VARS1: variants seen among roughly 807,000 people sequenced by gnomAD.
VARS1 encodes valine--tRNA ligase.
A neutral mutation model predicts 161.0 loss-of-function variants in VARS1; 92 were observed. That is an observed-to-expected ratio of 0.57 (90% confidence interval 0.48 to 0.68). VARS1 has a LOEUF of 0.68. Ranked by LOEUF, VARS1 falls within the 30% of genes least tolerant of loss-of-function variation. The pLI is 0.00. For missense variants in VARS1, 1,338 were observed against 1,695.9 expected, an observed-to-expected ratio of 0.79 and a Z score of 3.71; for synonymous variants, 595 against 682.5, an observed-to-expected ratio of 0.87 and a Z score of 2.00.
Position 31,784,563 on chromosome 6 carries a change from G to A in VARS1, c.1467+32C>T, listed in dbSNP as rs1217778684. The A allele has an allele frequency of 1.1e-5, 18 of 1,613,548 alleles. No individual in the cohort carries two copies. In the South Asian group the frequency reaches 2.0e-4, roughly 18 times the overall value. ...CCAGGGCCAGGGCCAGGGTAGATTG[G>A]AGATGGAGACAGGCCAGGTTGGGGG... On this transcript the variant is annotated intron_variant, in intron 11 of 29. Coordinates refer to ENST00000375663, the MANE Select transcript of VARS1 (RefSeq NM_006295.3). The surrounding 1 kb of genome is among the most constrained non-coding windows in gnomAD (Gnocchi z 6.1).
At position 31,781,335 on chromosome 6, in the gene VARS1, A is replaced by G; in HGVS notation, c.2544+146T>C. Reference sequence around the variant, plus strand: ...GCACAGGAATCACTGAGCAGGGCCCAGGCTGGATTTCAACCCCACACCAGC... The same window carrying G: ...GCACAGGAATCACTGAGCAGGGCCCGGGCTGGATTTCAACCCCACACCAGC... On this transcript the variant is annotated intron_variant, in intron 21 of 29. Coordinates refer to ENST00000375663, the MANE Select transcript of VARS1 (RefSeq NM_006295.3). This position sits in a 1 kb window ranked among gnomAD's most constrained non-coding sequence, Gnocchi z 6.8. 1 of 1,334,972 alleles carries G rather than the reference A, an allele frequency of 7.5e-7. No homozygotes were observed. The highest frequency in any genetic ancestry group is 1.0e-6 in the Non-Finnish European group (1 of 985,804). 82.7% of individuals were successfully genotyped at this position (1,334,972 alleles called of 1,614,324 possible).
Position 31,791,816 on chromosome 6 carries a change from G to T in VARS1, c.972+55C>A. The T allele has an allele frequency of 1.2e-6, 2 of 1,612,846 alleles. No individual in the cohort carries two copies. Among genetic ancestry groups the T allele is most frequent in the South Asian group, 1.1e-5 (1 of 91,070 alleles). ...CCCCTCCCAGGCAACACATCCTTCAGTCCTGCCCTTCCCCACCCCACCCAC... is the reference window on the plus strand; with the variant it reads ...CCCCTCCCAGGCAACACATCCTTCATTCCTGCCCTTCCCCACCCCACCCAC... On this transcript the variant is annotated intron_variant, in intron 7 of 29. Coordinates refer to ENST00000375663, the MANE Select transcript of VARS1 (RefSeq NM_006295.3). The surrounding 1 kb of genome is among the most constrained non-coding windows in gnomAD (Gnocchi z 5.0).
chr6:31,793,053 A>G lies in VARS1; in HGVS notation c.455T>C (p.Leu152Ser). 3 of 1,613,030 alleles carry G rather than the reference A, an allele frequency of 1.9e-6. No individual in the cohort carries two copies. The highest frequency in any genetic ancestry group is 8.5e-7 in the Non-Finnish European group (1 of 1,180,008). The change falls in exon 3 of 30, where the codon TTG (leucine) becomes TCG (serine). Residue 152 changes from leucine (L) to serine (S), a missense_variant. Physicochemically the swap from Leu to Ser is moderately radical, Grantham distance 145 (BLOSUM62 -2). Around this residue, in one of 3 missense-constraint regions of VARS1, gnomAD observed 902 missense variants for 1,090.3 expected, o/e 0.83. Coordinates refer to ENST00000375663, the MANE Select transcript of VARS1 (RefSeq NM_006295.3). ...LEEWLRLHTY[L>S]AGEAPTLADL... ...AGCCAGAGTGGGGGCCTCCCCGGCCAAGTAGGTGTGCAGCCGAAGCCACTC... is the reference window on the plus strand; with the variant it reads ...AGCCAGAGTGGGGGCCTCCCCGGCCGAGTAGGTGTGCAGCCGAAGCCACTC...
Position 31,778,972 on chromosome 6 carries a change from C to CT in VARS1, c.3720dup (p.Ala1241SerfsTer15), listed in dbSNP as rs1166836769. ...TGCCCACCCAGGCCACACACCTTGG[C>CT]TTCATCTGCCTCCTGGACTTCGAGC... On this transcript the variant is annotated frameshift_variant, in exon 29 of 30. Coordinates refer to ENST00000375663, the MANE Select transcript of VARS1 (RefSeq NM_006295.3). LOFTEE classifies it high-confidence loss of function. The surrounding 1 kb of genome is among the most constrained non-coding windows in gnomAD (Gnocchi z 5.1). 2.5e-6 allele frequency: 4 copies of CT among 1,612,964 alleles called. No individual in the cohort carries two copies. The highest frequency in any genetic ancestry group is 3.4e-6 in the Non-Finnish European group (4 of 1,180,046).
chr6:31,793,161 A>ACCTCCATCT, intron 2 of VARS1, 41 bp from the exon 3 acceptor site: 2 of 1,552,938 alleles, frequency 1.3e-6, no homozygotes, highest in South Asian at 2.4e-5. Context: ...GGTTTGGCCC[A>ACCTCCATCT]CCTCCATCTC....
chr6:31,794,055 T>C (rs1581664148), intron 2 of VARS1, among the ~76,000 whole-genome samples: 1 of 131,238 alleles, frequency 7.6e-6, no homozygotes, highest in Non-Finnish European at 1.5e-5. Context: ...CATCGCACCG[T>C]GGCACTCCAG....
Position 31,793,140 on chromosome 6 carries a change from G to A in VARS1, c.388-20C>T, listed in dbSNP as rs370138635. The A allele has an allele frequency of 6.3e-6, 10 of 1,576,214 alleles. No individual in the cohort carries two copies. Among genetic ancestry groups the A allele is most frequent in the Middle Eastern group, 2.0e-4 (1 of 4,898 alleles). ...CACAGCCTGGCAGGAAGGGGAAGAA[G>A]TGTGAGACAAGGTTTGGCCCACCTC... On this transcript the variant is annotated intron_variant, in intron 2 of 29. Coordinates refer to ENST00000375663, the MANE Select transcript of VARS1 (RefSeq NM_006295.3).
In VARS1 at chr6:31,782,011, C is replaced by T; in HGVS notation, c.2242-59G>A. ...TGTCTGCTTCTGGCTCACCCTGCCC[C>T]TCCCCCCACCAAGGACCCAGTAAAC... is the stretch of plus-strand genomic sequence containing the variant. On this transcript the variant is annotated intron_variant, in intron 18 of 29. Transcript: ENST00000375663. This position sits in a 1 kb window ranked among gnomAD's most constrained non-coding sequence, Gnocchi z 8.3. The T allele has an allele frequency of 6.2e-7, 1 of 1,612,476 alleles. No individual in the cohort carries two copies. The highest frequency in any genetic ancestry group is 8.5e-7 in the Non-Finnish European group (1 of 1,179,324).
Position 31,785,098 on chromosome 6 carries a change from G to T in VARS1, c.1347+148C>A. 1 of 872,548 alleles carries T rather than the reference G, an allele frequency of 1.1e-6. No individual in the cohort carries two copies. Among genetic ancestry groups the T allele is most frequent in the Non-Finnish European group, 1.8e-6 (1 of 561,736 alleles). 54.1% of individuals were successfully genotyped at this position (872,548 alleles called of 1,614,324 possible). Reference sequence around the variant, plus strand: ...TGGAAAGGGCCATGGCGAGGGGTGGGAAGTGGCATTTGCAGCTGAGCCCTC... The same window carrying T: ...TGGAAAGGGCCATGGCGAGGGGTGGTAAGTGGCATTTGCAGCTGAGCCCTC... On this transcript the variant is annotated intron_variant, in intron 10 of 29. Transcript: ENST00000375663. The surrounding 1 kb of genome is among the most constrained non-coding windows in gnomAD (Gnocchi z 6.1).
At position 31,791,499 on chromosome 6, in the gene VARS1, G is replaced by T; in HGVS notation, c.1100+111C>A. 7.0e-7 allele frequency: 1 copy of T among 1,427,078 alleles called. No homozygotes were observed. Among genetic ancestry groups the T allele is most frequent in the South Asian group, 1.4e-5 (1 of 69,854 alleles). 88.4% of individuals were successfully genotyped at this position (1,427,078 alleles called of 1,614,324 possible). On this transcript the variant is annotated intron_variant, in intron 8 of 29. Coordinates refer to ENST00000375663, the MANE Select transcript of VARS1 (RefSeq NM_006295.3). The surrounding 1 kb of genome is among the most constrained non-coding windows in gnomAD (Gnocchi z 5.0). ...CAGAGAGAAGTGTAGCACCACTGGG[G>T]GCAGAAGTGAGCACCAACCCAGAAG...
chr6:31,786,608 G>A (rs1813522415), intron 8 of VARS1, among the ~76,000 whole-genome samples: 1 of 134,362 alleles, frequency 7.4e-6, no homozygotes, highest in African/African-American at 2.8e-5. Context: ...GGAGGTTGCA[G>A]TGAGTTGAAA....
At chr6:31,793,917 A>G (rs1161943219) in intron 2 of VARS1, among the ~76,000 whole-genome samples, 1 of 152,086 alleles carries the variant, frequency 6.6e-6, no homozygotes, top group Non-Finnish European at 1.5e-5. Flanking sequence ...AGCCTGGTCA[A>G]CATGACAAAA....
Position 31,779,440 on chromosome 6 carries a change from G to A in VARS1, c.3385C>T (p.Arg1129Trp), listed in dbSNP as rs1464537773. 39 of 1,612,050 alleles carry A rather than the reference G, an allele frequency of 2.4e-5. No individual in the cohort carries two copies. The highest frequency in any genetic ancestry group is 3.2e-5 in the Non-Finnish European group (38 of 1,180,002). Residue 1129 changes from arginine (R) to tryptophan (W), a missense_variant, in exon 28 of 30, where the codon CGG becomes TGG. Arg to Trp is a moderately radical substitution (Grantham distance 101). Transcript: ENST00000375663. This position sits in a 1 kb window ranked among gnomAD's most constrained non-coding sequence, Gnocchi z 9.1. The stretch of plus-strand genomic sequence containing the variant: ...TGAGGCTCACAGTCAGGCCGGATCC[G>A]GGTGAGGTTGTAGTCGGCCCGCAGG... ...RSLRADYNLT[R>W]IRPDCFLEVA...
At position 31,784,736 on chromosome 6, in the gene VARS1, T is replaced by C. The variant is rs1157006569; in HGVS notation, c.1348-22A>G. 4 of 1,612,534 alleles carry C rather than the reference T, an allele frequency of 2.5e-6. No homozygotes were observed. Among genetic ancestry groups the C allele is most frequent in the South Asian group, 1.1e-5 (1 of 91,062 alleles). On this transcript the variant is annotated intron_variant, in intron 10 of 29. Coordinates refer to ENST00000375663, the MANE Select transcript of VARS1 (RefSeq NM_006295.3). The surrounding 1 kb of genome is among the most constrained non-coding windows in gnomAD (Gnocchi z 6.1). Reference sequence around the variant, plus strand: ...GTTTCTGGGGTGGAGGAGGGAGAAGTCAGAGAGATGGGCCTTGTGCCTGGA... The same window carrying C: ...GTTTCTGGGGTGGAGGAGGGAGAAGCCAGAGAGATGGGCCTTGTGCCTGGA...
At chr6:31,786,228 C>T (rs1219040092) in intron 8 of VARS1, among the ~76,000 whole-genome samples, 1 of 151,942 alleles carries the variant, frequency 6.6e-6, no homozygotes. Flanking sequence ...CCATTGCACT[C>T]CAGCCTGGGT....
chr6:31,791,990 G>A lies in VARS1; in HGVS notation c.872-19C>T. 1 of 1,562,126 alleles carries A rather than the reference G, an allele frequency of 6.4e-7. No homozygotes were observed. Among genetic ancestry groups the A allele is most frequent in the Non-Finnish European group, 8.7e-7 (1 of 1,154,062 alleles). Reference sequence around the variant, plus strand: ...CTGACATCTGGGGGAGAGGAAGGGAGGGCTCAGTGCCGTGGCTGGGAGCAC... The same window carrying A: ...CTGACATCTGGGGGAGAGGAAGGGAAGGCTCAGTGCCGTGGCTGGGAGCAC... On this transcript the variant is annotated intron_variant, in intron 6 of 29. Transcript: ENST00000375663. This position sits in a 1 kb window ranked among gnomAD's most constrained non-coding sequence, Gnocchi z 5.0.
chr6:31,789,560 T>C (rs1813732593), intron 8 of VARS1, among the ~76,000 whole-genome samples: 1 of 152,158 alleles, frequency 6.6e-6, no homozygotes, highest in Admixed American at 6.6e-5. Flanking sequence ...CAGCTTCCGT[T>C]TGTACTTAAT....
chr6:31,781,934 A>G lies in VARS1; in HGVS notation c.2260T>C (p.Trp754Arg). ...TCCGCCTCATTGCGTCCACTCACCC[A>G]GTACCGCCCATCAGGGTCCTGCCAC... is the stretch of plus-strand genomic sequence containing the variant. ...PPGEDPDGRY[W>R]VSGRNEAEAR... is the part of the protein sequence containing the mutation. Residue 754 changes from tryptophan to arginine, a missense_variant, in exon 19 of 30, where the codon TGG (tryptophan) becomes CGG (arginine). By Grantham distance (101) the Trp-to-Arg change is moderately radical. Coordinates refer to ENST00000375663, the MANE Select transcript of VARS1 (RefSeq NM_006295.3). The surrounding 1 kb of genome is among the most constrained non-coding windows in gnomAD (Gnocchi z 6.8). 1.2e-6 allele frequency: 2 copies of G among 1,612,942 alleles called. No individual in the cohort carries two copies. Among genetic ancestry groups the G allele is most frequent in the Middle Eastern group, 3.3e-4 (2 of 6,062 alleles).
chr6:31,792,970 A>G lies in VARS1; in HGVS notation c.522+16T>C. 6.2e-7 allele frequency: 1 copy of G among 1,613,954 alleles called. No homozygotes were observed. Reference sequence around the variant, plus strand: ...GAGGAGAGCAGTCTTGTTCTTCCCCAGGCCTGGTGACTCACGTATCGGAAA... The same window carrying G: ...GAGGAGAGCAGTCTTGTTCTTCCCCGGGCCTGGTGACTCACGTATCGGAAA... On this transcript the variant is annotated intron_variant, in intron 3 of 29. Coordinates refer to ENST00000375663, the MANE Select transcript of VARS1 (RefSeq NM_006295.3).
Sources: allele counts gnomAD v4.1 joint callset (sites outside exome capture counted in the v4.1 genomes callset), GRCh38; gene constraint gnomAD v4.1.1; regional missense constraint gnomAD v4.1.1; non-coding constraint Gnocchi (gnomAD v3.1); transcripts MANE v1.5; gene names NCBI Gene and HGNC (gene_info 2026-07-23, HGNC 2026-07-21).